The following RPN1 variants were observed in gnomAD, a reference collection of about 807,000 sequenced individuals.
RPN1 encodes the protein ribophorin I.
RPN1 carries 12 observed loss-of-function variants against 55.5 expected under a neutral mutation model. The observed-to-expected ratio is 0.22, with a 90% CI of 0.14 to 0.35. The LOEUF (loss-of-function observed/expected upper bound fraction) is 0.35, where lower values mean the gene tolerates loss of function less well. RPN1 is among the 10% of genes least tolerant of loss of function. The probability of loss-of-function intolerance (pLI) is 1.00; values close to 1 mark genes in which losing one functional copy is unlikely to be tolerated. For missense variants in RPN1, 679 were observed against 761.3 expected (o/e 0.89, Z 1.27); for synonymous variants, 317 against 305.9 (o/e 1.04, Z -0.38).
In RPN1 at chr3:128,630,053, C is replaced by T. The variant is rs778558650; in HGVS notation, c.934G>A (p.Val312Ile). 1.9e-6 allele frequency: 3 copies of T among 1,613,206 alleles called. No individual in the cohort carries two copies. The South Asian group carries it at 3.3e-5, about 18-fold the overall frequency. The change falls in exon 5 of 10, where the codon GTA becomes ATA. Residue 312 changes from valine to isoleucine, a missense_variant. Coordinates refer to ENST00000296255, the MANE Select transcript of RPN1 (RefSeq NM_002950.4). ...AAGCGAGGCCGGATTTCCATCTCTA[C>T]AGAGTCATCCAAAATAAGGAGGTGG... ...TSHLLILDDS[V>I]EMEIRPRFPL...
chr3:128,628,607 G>A lies in RPN1; in HGVS notation c.1036+1344C>T, dbSNP rs573051492. 1.7e-4 allele frequency among the ~76,000 whole-genome samples: 26 copies of A among 151,536 alleles called. No individual in the cohort carries two copies. The South Asian group carries it at 2.5e-3, about 15-fold the overall frequency. On this transcript the variant is annotated intron_variant, in intron 5 of 9. Coordinates refer to ENST00000296255, the MANE Select transcript of RPN1 (RefSeq NM_002950.4). ...TTTAAAAATTTTTTTGTAGAGACCC[G>A]TTTTCACCATGTTGCCCCGGCTGGT...
Position 128,643,491 on chromosome 3 carries a change from C to T in RPN1, c.326+1428G>A, listed in dbSNP as rs969226525. Among the ~76,000 whole-genome samples, 14 of 151,944 alleles carry T rather than the reference C, an allele frequency of 9.2e-5. 2 individuals are homozygous for T. The highest frequency in any genetic ancestry group is 3.9e-4 in the East Asian group (2 of 5,110). On this transcript the variant is annotated intron_variant, in intron 2 of 9. Coordinates refer to ENST00000296255, the MANE Select transcript of RPN1 (RefSeq NM_002950.4). ...CCAGCCTGGCCAACATGGGGAAACCCGTCTCTACTAAAAACACAAAACTTG... is the reference window on the plus strand; with the variant it reads ...CCAGCCTGGCCAACATGGGGAAACCTGTCTCTACTAAAAACACAAAACTTG...
At chr3:128,644,197 C>T (rs180957747) in intron 2 of RPN1, among the ~76,000 whole-genome samples, 243 of 152,222 alleles carry the variant, frequency 1.6e-3, no homozygotes, top group Admixed American at 6.5e-3. Context: ...CTCTGTGGAA[C>T]CAGGAGGGAG....
At chr3:128,640,374 A>G (rs934398240) in intron 2 of RPN1, among the ~76,000 whole-genome samples, 2 of 152,162 alleles carry the variant, frequency 1.3e-5, no homozygotes, top group Non-Finnish European at 2.9e-5. Context: ...ATGACTTTAT[A>G]GAACACAAAA....
chr3:128,631,856 G>C, intron 4 of RPN1, 92 bp downstream of exon 4: 1 of 1,368,110 alleles, frequency 7.3e-7, no homozygotes, highest in Non-Finnish European at 1.0e-6. Flanking sequence ...CTAAACAACT[G>C]CCTAAATATT....
intron 3 of RPN1, among the ~76,000 whole-genome samples, chr3:128,632,885 G>A (rs948405891): frequency 1.3e-5 from 2 of 152,086 alleles, no homozygotes; most frequent in Admixed American, 6.6e-5. Flanking sequence ...ATGAGCCACC[G>A]TGCCCAGCAA....
intron 3 of RPN1, among the ~76,000 whole-genome samples, chr3:128,637,274 A>T (rs945091087): frequency 2.6e-5 from 4 of 152,048 alleles, no homozygotes; most frequent in African/African-American, 7.3e-5. Context: ...TCCACCAAAG[A>T]AAAAAAGAGG....
chr3:128,626,712 G>A, intron 6 of RPN1, 21 bp downstream of exon 6: 5 of 1,607,264 alleles, frequency 3.1e-6, no homozygotes, highest in South Asian at 2.2e-5. Context: ...GGGTGCAAAG[G>A]AGAGGAACAG....
rs763205804 is a variant in RPN1 at position 128,629,998 on chromosome 3, T to C, written c.989A>G (p.Tyr330Cys). 1 of 1,613,786 alleles carries C rather than the reference T, an allele frequency of 6.2e-7. No homozygotes were observed. Among genetic ancestry groups the C allele is most frequent in the Non-Finnish European group, 8.5e-7 (1 of 1,179,696 alleles). Residue 330 changes from tyrosine (Y) to cysteine (C), a missense_variant, in exon 5 of 10, where the codon TAC (tyrosine) becomes TGC (cysteine). By Grantham distance (194) the Tyr-to-Cys change is radical. Around this residue, in one of 3 missense-constraint regions of RPN1, gnomAD observed 306 missense variants for 360.0 expected, o/e 0.85. Transcript: ENST00000296255. ...FPLFGGWKTH[Y>C]IVGYNLPSYE... ...GCTTGGGAGGTTGTAGCCAACGATG[T>C]AATGGGTCTTCCACCCGCCAAAGAG... is the stretch of plus-strand genomic sequence containing the variant.
At chr3:128,647,595 G>A (rs888673614) in intron 1 of RPN1, among the ~76,000 whole-genome samples, 1 of 151,898 alleles carries the variant, frequency 6.6e-6, no homozygotes. Context: ...AGGGGGCTAG[G>A]TGGGAGGATA....
intron 2 of RPN1, among the ~76,000 whole-genome samples, chr3:128,639,586 T>A (rs546908503): frequency 4.3e-4 from 65 of 152,290 alleles, no homozygotes; most frequent in African/African-American, 1.5e-3. Context: ...CATTTTATTT[T>A]TTATTATTAT....
intron 8 of RPN1, among the ~76,000 whole-genome samples, chr3:128,624,071 T>A (rs760805057): frequency 5.9e-5 from 9 of 151,700 alleles, no homozygotes; most frequent in Non-Finnish European, 1.0e-4. Context: ...TATCTGCACA[T>A]ACTCAAGTCC....
chr3:128,645,597 T>A lies in RPN1; in HGVS notation c.262-614A>T, dbSNP rs560185664. ...ACTTTGGGAGGCTGAGGCGGGAGGA[T>A]CACCAGGTCAGGAGTTTGAGACCAG... On this transcript the variant is annotated intron_variant, in intron 1 of 9. Coordinates refer to ENST00000296255, the MANE Select transcript of RPN1 (RefSeq NM_002950.4). Among the ~76,000 whole-genome samples, 689 of 151,840 alleles carry A rather than the reference T, an allele frequency of 4.5e-3. 3 individuals carry two copies. The highest frequency in any genetic ancestry group is 9.4e-3 in the South Asian group (45 of 4,812).
At position 128,623,991 on chromosome 3, in the gene RPN1, A is replaced by ACACACACACACACG. The variant is rs1285972316; in HGVS notation, c.1395+1529_1395+1542dup. On this transcript the variant is annotated intron_variant, in intron 8 of 9. Transcript: ENST00000296255. ...CTCCAATGATTCAGCAGAAATAATT[A>ACACACACACACACG]CACACACACACACGCACACACACAC... 6.0e-5 allele frequency among the ~76,000 whole-genome samples: 9 copies of ACACACACACACACG among 151,182 alleles called. No individual in the cohort carries two copies. The East Asian group carries it at 1.4e-3, about 23-fold the overall frequency.
intron 3 of RPN1, among the ~76,000 whole-genome samples, chr3:128,633,898 G>T (rs191964928): frequency 1.3e-5 from 2 of 152,016 alleles, no homozygotes; most frequent in Admixed American, 1.3e-4. Context: ...TAGGAGAATC[G>T]CTTGAACCCG....
At chr3:128,630,601 C>T (rs1262772523) in intron 4 of RPN1, among the ~76,000 whole-genome samples, 1 of 151,930 alleles carries the variant, frequency 6.6e-6, no homozygotes, top group Admixed American at 6.6e-5. Context: ...TACCTTTGTT[C>T]ACATACTGAC....
intron 2 of RPN1, among the ~76,000 whole-genome samples, chr3:128,642,989 A>C (rs910225872): frequency 4.0e-5 from 6 of 149,396 alleles, no homozygotes; most frequent in African/African-American, 1.5e-4. Flanking sequence ...ATTGCACTTC[A>C]GCTTGGGCAA....
chr3:128,639,665 G>C (rs892800481), intron 2 of RPN1, among the ~76,000 whole-genome samples: 1 of 151,752 alleles, frequency 6.6e-6, no homozygotes, highest in Non-Finnish European at 1.5e-5. Context: ...TTGGCTCACC[G>C]CAACCTCCGC....
chr3:128,650,454 G>T, intron 1 of RPN1, 86 bp downstream of exon 1: 1 of 1,360,392 alleles, frequency 7.4e-7, no homozygotes, highest in Non-Finnish European at 9.9e-7. Flanking sequence ...CTGAGGCCTA[G>T]AGGGGCGCGG....
Sources: gnomAD v4.1 joint callset for allele counts (sites outside exome capture counted in the v4.1 genomes callset) on GRCh38, gnomAD v4.1.1 for gene constraint, gnomAD v4.1.1 regional missense constraint, MANE v1.5 for transcripts, NCBI Gene and HGNC (gene_info 2026-07-23, HGNC 2026-07-21) for gene names.